The following DGCR2 variants were observed in gnomAD, a reference collection of about 807,000 sequenced individuals.
DGCR2 encodes the protein DiGeorge syndrome critical region gene 2.
DGCR2 carries 24 observed loss-of-function variants against 51.6 expected under a neutral mutation model. That is an observed-to-expected ratio of 0.47 (90% CI 0.34 to 0.65). DGCR2 has a LOEUF of 0.65. Among genes scored for constraint, DGCR2 ranks in the 30% least tolerant of loss-of-function variants. The probability of loss-of-function intolerance (pLI) is 0.01; values close to 1 mark genes in which losing one functional copy is unlikely to be tolerated. For synonymous variants in DGCR2, 340 were observed against 315.4 expected (o/e 1.08, Z -0.82); for missense variants, 765 against 772.1 (o/e 0.99, Z 0.11).
intron 6 of DGCR2, among the ~76,000 whole-genome samples, chr22:19,053,671 C>T (rs1048594929): frequency 6.6e-6 from 1 of 152,116 alleles, no homozygotes; most frequent in Non-Finnish European, 1.5e-5. Flanking sequence ...AATGAAAAGC[C>T]TAGAAAAAAG....
chr22:19,073,384 C>T (rs754616696), intron 2 of DGCR2, among the ~76,000 whole-genome samples: 2 of 151,976 alleles, frequency 1.3e-5, no homozygotes, highest in Non-Finnish European at 2.9e-5. Context: ...GAGGAGAAAA[C>T]GAAAACTGGG....
chr22:19,098,223 A>T (rs1420613149), intron 1 of DGCR2, among the ~76,000 whole-genome samples: 1 of 151,490 alleles, frequency 6.6e-6, no homozygotes, highest in African/African-American at 2.4e-5. Context: ...AAGACACACC[A>T]CTCTCCAGGA....
intron 7 of DGCR2, among the ~76,000 whole-genome samples, chr22:19,043,064 C>T (rs2082450805): frequency 2.6e-5 from 4 of 152,182 alleles, no homozygotes; most frequent in Admixed American, 2.0e-4. Flanking sequence ...TGGGTGGACC[C>T]GACTCCACCT....
chr22:19,076,724 ATTTTTTTT>A lies in DGCR2; in HGVS notation c.203-8507_203-8500del, dbSNP rs1165827499. 1.1e-4 allele frequency among the ~76,000 whole-genome samples: 9 copies of A among 79,954 alleles called. No individual in the cohort carries two copies. In the South Asian group the frequency reaches 4.1e-3, roughly 37 times the overall value. The allele number at this position is 79,954 out of a possible 152,430, so 52.5% of individuals were successfully genotyped here. On this transcript the variant is annotated intron_variant, in intron 2 of 9. Transcript: ENST00000263196. ...AAATGTCTACTCAAGTCCTTTGCAC[ATTTTTTTT>A]TTTTTTTTTTTTTTTTGAGATGGAG...
intron 4 of DGCR2, among the ~76,000 whole-genome samples, chr22:19,063,758 C>A (rs769483562): frequency 2.0e-5 from 3 of 152,150 alleles, no homozygotes; most frequent in Non-Finnish European, 4.4e-5. Flanking sequence ...CTTGCCAAGA[C>A]TGTTTCTATG....
At chr22:19,048,691 G>T (rs188620920) in intron 6 of DGCR2, 48 bp from the exon 7 acceptor site, 1 of 1,595,056 alleles carries the variant, frequency 6.3e-7, no homozygotes, top group African/African-American at 1.3e-5. Context: ...GCCAAAAAAG[G>T]TAGCCTCCCC....
At chr22:19,119,264 T>G (rs954875836) in intron 1 of DGCR2, among the ~76,000 whole-genome samples, 13 of 152,168 alleles carry the variant, frequency 8.5e-5, no homozygotes, top group African/African-American at 3.1e-4. Flanking sequence ...AAGGCCAGAC[T>G]CCTACGATGA....
At chr22:19,084,609 G>A (rs1461788078) in intron 2 of DGCR2, among the ~76,000 whole-genome samples, 9 of 139,882 alleles carry the variant, frequency 6.4e-5, no homozygotes, top group Admixed American at 7.0e-5. Context: ...CCCGGCAGCC[G>A]CCCCGTCTGG....
intron 2 of DGCR2, 35 bp from the exon 3 acceptor site, chr22:19,068,260 G>T: frequency 1.9e-6 from 3 of 1,550,032 alleles, no homozygotes; most frequent in Non-Finnish European, 2.6e-6. Flanking sequence ...TGTGAGTCCT[G>T]CCTGTGCAGT....
rs749048248 is a variant in DGCR2 at position 19,089,293 on chromosome 22, C to A, written c.202+75G>T. 25 of 1,472,254 alleles carry A rather than the reference C, an allele frequency of 1.7e-5. 1 individual carries two copies. The highest frequency in any genetic ancestry group is 2.3e-5 in the Non-Finnish European group (25 of 1,097,082). The allele number at this position is 1,472,254 out of a possible 1,614,324, so 91.2% of individuals were successfully genotyped here. ...GTTAAGACAGCACACACCTCCACCC[C>A]TCACAAGAGGCACAGTCACCCAGCT... On this transcript the variant is annotated intron_variant, in intron 2 of 9. Coordinates refer to ENST00000263196, the MANE Select transcript of DGCR2 (RefSeq NM_005137.3).
chr22:19,060,412 C>T (rs1305990565), intron 5 of DGCR2, among the ~76,000 whole-genome samples: 3 of 152,222 alleles, frequency 2.0e-5, no homozygotes, highest in Non-Finnish European at 4.4e-5. Context: ...CTGACCTCAG[C>T]CAACCTGCAA....
At chr22:19,063,403 C>A (rs1044978145) in intron 4 of DGCR2, 125 bp from the exon 5 acceptor site, 3 of 835,474 alleles carry the variant, frequency 3.6e-6, no homozygotes, top group Non-Finnish European at 5.7e-6. Context: ...TGCAGTGGTG[C>A]GATCTCGGCT....
At chr22:19,120,305 C>A (rs1304108422) in intron 1 of DGCR2, among the ~76,000 whole-genome samples, 1 of 152,182 alleles carries the variant, frequency 6.6e-6, no homozygotes, top group African/African-American at 2.4e-5. Context: ...TGTGAGGTCT[C>A]CTGTGACGCC....
intron 1 of DGCR2, among the ~76,000 whole-genome samples, chr22:19,098,982 A>G (rs1267255367): frequency 6.6e-6 from 1 of 152,186 alleles, no homozygotes; most frequent in Admixed American, 6.5e-5. Context: ...TGAACTGCAC[A>G]GCTCAAAATC....
At chr22:19,062,194 C>T (rs982119573) in intron 5 of DGCR2, among the ~76,000 whole-genome samples, 1 of 152,202 alleles carries the variant, frequency 6.6e-6, no homozygotes, top group East Asian at 1.9e-4. Flanking sequence ...CCAGGGAATG[C>T]AAATGTGGCT....
At chr22:19,107,251 C>T (rs1240948481) in intron 1 of DGCR2, among the ~76,000 whole-genome samples, 4 of 152,138 alleles carry the variant, frequency 2.6e-5, no homozygotes, top group African/African-American at 7.2e-5. Flanking sequence ...TCCCCATCAC[C>T]ACCACTGGAG....
chr22:19,037,315 C>T lies in DGCR2; in HGVS notation c.*1550G>A, dbSNP rs2082380811. The T allele has an allele frequency of 6.6e-6, 1 of 152,300 alleles. No homozygotes were observed. The allele number at this position is 152,300 out of a possible 1,614,324, so 9.4% of individuals were successfully genotyped here. On this transcript the variant is annotated 3_prime_UTR_variant, in exon 10 of 10. Transcript: ENST00000263196. ...AAAGGTCAAGTCTGTCTGTGGGCAA[C>T]TCAAGATTCTCATTCCACATGGGAT...
intron 2 of DGCR2, among the ~76,000 whole-genome samples, chr22:19,074,614 C>T (rs2145985343): frequency 6.6e-6 from 1 of 151,988 alleles, no homozygotes; most frequent in Non-Finnish European, 1.5e-5. Context: ...AGATAAATAC[C>T]AAATGAAACA....
chr22:19,070,600 T>C (rs1485444344), intron 2 of DGCR2, among the ~76,000 whole-genome samples: 1 of 152,170 alleles, frequency 6.6e-6, no homozygotes, highest in African/African-American at 2.4e-5. Flanking sequence ...AAGACCAGGT[T>C]GTTACATGTT....
Sources: allele counts gnomAD v4.1 joint callset (sites outside exome capture counted in the v4.1 genomes callset), GRCh38; gene constraint gnomAD v4.1.1; transcripts MANE v1.5; gene names NCBI Gene and HGNC (gene_info 2026-07-23, HGNC 2026-07-21).